MTSS1: variants seen among roughly 807,000 people sequenced by gnomAD.
MTSS1 encodes protein MTSS 1.
MTSS1 carries 18 observed loss-of-function variants against 79.0 expected under a neutral mutation model. That is an observed-to-expected ratio of 0.23 (90% CI 0.16 to 0.34). MTSS1 has a LOEUF of 0.34. Ranked by LOEUF, MTSS1 falls within the 10% of genes least tolerant of loss-of-function variation. MTSS1 has a pLI of 1.00. For synonymous variants in MTSS1, 341 were observed against 368.6 expected (o/e 0.93, Z 0.86); for missense variants, 815 against 986.2 (o/e 0.83, Z 2.33).
chr8:124,699,535 T>G lies in MTSS1; in HGVS notation c.199A>C (p.Asn67His). The G allele has an allele frequency of 6.2e-7, 1 of 1,614,204 alleles. No homozygotes were observed. Among genetic ancestry groups the G allele is most frequent in the South Asian group, 1.1e-5 (1 of 91,080 alleles). Residue 67 changes from asparagine to histidine, a missense_variant, in exon 3 of 14, where the codon AAC becomes CAC. By Grantham distance (68) the Asn-to-His change is moderately conservative. Coordinates refer to ENST00000518547, the MANE Select transcript of MTSS1 (RefSeq NM_014751.6). ...AFQKVADMAT[N>H]TRGGTREIGS... ...GCCTCCATCTGCTTACCACGTGTGT[T>G]GGTGGCCATGTCAGCCACTTTCTGA...
At chr8:124,684,403 A>G (rs1826617048) in intron 3 of MTSS1, among the ~76,000 whole-genome samples, 1 of 152,364 alleles carries the variant, frequency 6.6e-6, no homozygotes, top group South Asian at 2.1e-4. Flanking sequence ...TAAATTATAG[A>G]GCAACAGAAA....
chr8:124,620,495 G>A (rs1331600761), intron 3 of MTSS1, among the ~76,000 whole-genome samples: 2 of 152,146 alleles, frequency 1.3e-5, no homozygotes, highest in Non-Finnish European at 2.9e-5. Context: ...GCATGCATTG[G>A]ACACTCCAAA....
intron 3 of MTSS1, among the ~76,000 whole-genome samples, chr8:124,649,173 G>T (rs1819523690): frequency 6.6e-6 from 1 of 152,256 alleles, no homozygotes; most frequent in South Asian, 2.1e-4. Flanking sequence ...TTGAAAGACA[G>T]CCAGGGCCAT....
In MTSS1 at chr8:124,637,555, G is replaced by C. The variant is rs118169084; in HGVS notation, c.209-46320C>G. 3.3e-5 allele frequency among the ~76,000 whole-genome samples: 5 copies of C among 152,346 alleles called. No individual in the cohort carries two copies. The East Asian group carries it at 7.7e-4, about 24-fold the overall frequency. The stretch of plus-strand genomic sequence containing the variant: ...GGAAGATGGGTGCTGAACACTTGCA[G>C]AAAGCAGGAGGGAGGGGGTTAGATC... On this transcript the variant is annotated intron_variant, in intron 3 of 13. Coordinates refer to ENST00000518547, the MANE Select transcript of MTSS1 (RefSeq NM_014751.6).
chr8:124,670,860 A>C (rs1824037759), intron 3 of MTSS1, among the ~76,000 whole-genome samples: 1 of 152,140 alleles, frequency 6.6e-6, no homozygotes, highest in Admixed American at 6.5e-5. Context: ...TGAGGACATC[A>C]AATAATTTCT....
intron 3 of MTSS1, among the ~76,000 whole-genome samples, chr8:124,663,148 T>C (rs563501497): frequency 1.3e-5 from 2 of 152,186 alleles, no homozygotes; most frequent in Non-Finnish European, 2.9e-5. Flanking sequence ...CTCAGACACC[T>C]GCACACGTGT....
intron 3 of MTSS1, among the ~76,000 whole-genome samples, chr8:124,690,277 C>T (rs1827730683): frequency 6.6e-6 from 1 of 152,198 alleles, no homozygotes; most frequent in African/African-American, 2.4e-5. Flanking sequence ...GGGAAATACA[C>T]TAAAGCCTAA....
At chr8:124,561,761 T>C (rs114210040) in intron 10 of MTSS1, among the ~76,000 whole-genome samples, 29 of 152,200 alleles carry the variant, frequency 1.9e-4, no homozygotes, top group African/African-American at 5.5e-4. Context: ...GCAGCACATA[T>C]GGTTTAGTGA....
intron 2 of MTSS1, among the ~76,000 whole-genome samples, chr8:124,703,262 A>G (rs1829952472): frequency 6.6e-6 from 1 of 152,150 alleles, no homozygotes; most frequent in South Asian, 2.1e-4. Flanking sequence ...GAATTATACA[A>G]TAGTCAACAC....
chr8:124,597,127 G>A lies in MTSS1; in HGVS notation c.209-5892C>T, dbSNP rs1832901774. Among the ~76,000 whole-genome samples the A allele has an allele frequency of 6.6e-6, 1 of 152,104 alleles. No homozygotes were observed. The highest frequency in any genetic ancestry group is 1.5e-5 in the Non-Finnish European group (1 of 68,018). ...CAAGGACGGTGAAGACAGGTGCCAG[G>A]CCCTTGAGCAGCTTACAAAGATTGG... On this transcript the variant is annotated intron_variant, in intron 3 of 13. Transcript: ENST00000518547. This position sits in a 1 kb window ranked among gnomAD's most constrained non-coding sequence, Gnocchi z 4.6.
chr8:124,629,893 A>C (rs949142647), intron 3 of MTSS1, among the ~76,000 whole-genome samples: 1 of 152,126 alleles, frequency 6.6e-6, no homozygotes, highest in Non-Finnish European at 1.5e-5. Context: ...AACATATCAC[A>C]CACACCGTGC....
Position 124,553,032 on chromosome 8 carries a change from T to G in MTSS1, c.2228A>C (p.Lys743Thr), listed in dbSNP as rs1459472737. The G allele has an allele frequency of 2.5e-6, 4 of 1,614,110 alleles. No individual in the cohort carries two copies. The highest frequency in any genetic ancestry group is 1.1e-5 in the South Asian group (1 of 91,076). Reference sequence around the variant, plus strand: ...GGCTGAGCGATCGTTTGTCGTGGTCTTCTTCAGTTTCACGCCCCTTCGGAT... The same window carrying G: ...GGCTGAGCGATCGTTTGTCGTGGTCGTCTTCAGTTTCACGCCCCTTCGGAT... ...NAIRRGVKLK[K>T]TTTNDRSAPR... Residue 743 changes from lysine to threonine, a missense_variant, in exon 14 of 14, where the codon AAG (lysine) becomes ACG (threonine). Lys to Thr is a moderately conservative substitution (Grantham distance 78). Coordinates refer to ENST00000518547, the MANE Select transcript of MTSS1 (RefSeq NM_014751.6). The surrounding 1 kb of genome is among the most constrained non-coding windows in gnomAD (Gnocchi z 6.0).
rs7004861 is a variant in MTSS1, at chr8:124,559,089, T to C, written c.1036-1214A>G. On this transcript the variant is annotated intron_variant, in intron 10 of 13. Transcript: ENST00000518547. ...TGCGACCCGGCCAGCCCTAGGTCAC[T>C]AGACTGTGGGTCCCCAAGGACACGG... Among the ~76,000 whole-genome samples, 514 of 152,272 alleles carry C rather than the reference T, an allele frequency of 3.4e-3. 3 individuals are homozygous for C. The highest frequency in any genetic ancestry group is 9.5e-3 in the African/African-American group (396 of 41,546).
intron 3 of MTSS1, among the ~76,000 whole-genome samples, chr8:124,661,323 G>GTT (rs368747759): frequency 6.8e-6 from 1 of 146,168 alleles, no homozygotes. Flanking sequence ...TTTCTTCTAG[G>GTT]TTTTTTTTTT....
chr8:124,705,920 G>C (rs1045741505), intron 1 of MTSS1, among the ~76,000 whole-genome samples: 3 of 152,154 alleles, frequency 2.0e-5, no homozygotes, highest in African/African-American at 7.2e-5. Flanking sequence ...AACCAAAAAT[G>C]GGACATTGCC....
intron 4 of MTSS1, among the ~76,000 whole-genome samples, 158 bp from the exon 5 acceptor site, chr8:124,589,869 T>C (rs967351759): frequency 3.3e-5 from 5 of 152,304 alleles, no homozygotes; most frequent in Non-Finnish European, 7.3e-5. Flanking sequence ...AAGAATGCTT[T>C]TCTTTTAAGA....
intron 3 of MTSS1, among the ~76,000 whole-genome samples, chr8:124,641,524 C>A (rs527779398): frequency 6.6e-6 from 1 of 152,294 alleles, no homozygotes; most frequent in African/African-American, 2.4e-5. Flanking sequence ...CCAGCCCAGG[C>A]CTTGGAACAC....
At chr8:124,676,040 G>T (rs1188365007) in intron 3 of MTSS1, among the ~76,000 whole-genome samples, 1 of 152,146 alleles carries the variant, frequency 6.6e-6, no homozygotes, top group Non-Finnish European at 1.5e-5. Flanking sequence ...TGGCATTTGA[G>T]CTGTGCTTCC....
intron 7 of MTSS1, chr8:124,567,853 C>A: frequency 6.8e-7 from 1 of 1,479,244 alleles, no homozygotes; most frequent in Non-Finnish European, 8.9e-7. Flanking sequence ...TCCAGAACGC[C>A]TGCAGTGCAA....
Sources: gnomAD v4.1 joint callset for allele counts (sites outside exome capture counted in the v4.1 genomes callset) on GRCh38, gnomAD v4.1.1 for gene constraint, Gnocchi (gnomAD v3.1) non-coding constraint, MANE v1.5 for transcripts, NCBI Gene and HGNC (gene_info 2026-07-23, HGNC 2026-07-21) for gene names.